The following RBFOX3 variants were observed in gnomAD, a reference collection of about 807,000 sequenced individuals.
The protein encoded by RBFOX3 is RNA binding fox-1 homolog 3, also known as RNA binding protein fox-1 homolog 3.
A neutral mutation model predicts 48.7 loss-of-function variants in RBFOX3; 17 were observed. That is an observed-to-expected ratio of 0.35 (90% CI 0.24 to 0.52). RBFOX3 has a LOEUF of 0.52. Ranked by LOEUF, RBFOX3 falls within the 20% of genes least tolerant of loss-of-function variation. The probability of loss-of-function intolerance (pLI) is 0.94; values close to 1 mark genes in which losing one functional copy is unlikely to be tolerated. For synonymous variants in RBFOX3, 212 were observed against 209.5 expected (o/e 1.01, Z -0.10); for missense variants, 382 against 497.5 (o/e 0.77, Z 2.21).
chr17:79,407,680 G>A (rs79569655), intron 2 of RBFOX3, among the ~76,000 whole-genome samples: 2 of 152,346 alleles, frequency 1.3e-5, no homozygotes, highest in East Asian at 3.9e-4. Flanking sequence ...AAGGCGTGGG[G>A]AGGACTTCTG....
At chr17:79,519,222 G>C (rs906728449) in intron 1 of RBFOX3, among the ~76,000 whole-genome samples, 1 of 152,244 alleles carries the variant, frequency 6.6e-6, no homozygotes, top group Admixed American at 6.5e-5. Context: ...TCGGCAGATG[G>C]GGCCATCCCT....
intron 4 of RBFOX3, among the ~76,000 whole-genome samples, chr17:79,201,104 G>A (rs576630681): frequency 2.0e-5 from 3 of 151,428 alleles, no homozygotes; most frequent in South Asian, 2.1e-4. Context: ...CAACAACAAC[G>A]ACAACAACAA....
Position 79,096,635 on chromosome 17 carries a change from CGG to C in RBFOX3, c.936+16_936+17del. ...GAACGCCTGATCCCACCCTCCCTCC[CGG>C]CGGGGCTACACTTACATAAATCTCA... On this transcript the variant is annotated intron_variant, in intron 12 of 14. Coordinates refer to ENST00000693108, the MANE Select transcript of RBFOX3 (RefSeq NM_001350451.2). 1 of 1,535,416 alleles carries C rather than the reference CGG, an allele frequency of 6.5e-7. No homozygotes were observed. Among genetic ancestry groups the C allele is most frequent in the Non-Finnish European group, 8.8e-7 (1 of 1,132,970 alleles).
At position 79,101,233 on chromosome 17, in the gene RBFOX3, C is replaced by T. The variant is rs1167066497; in HGVS notation, c.568+351G>A. ...AGGTCTCAGCACAGAAGCCTTCAAACTCTGGCCCTGGGGGAAAGTCAGTCC... is the reference window on the plus strand; with the variant it reads ...AGGTCTCAGCACAGAAGCCTTCAAATTCTGGCCCTGGGGGAAAGTCAGTCC... On this transcript the variant is annotated intron_variant, in intron 9 of 14. Coordinates refer to ENST00000693108, the MANE Select transcript of RBFOX3 (RefSeq NM_001350451.2). Among the ~76,000 whole-genome samples, 4 of 152,214 alleles carry T rather than the reference C, an allele frequency of 2.6e-5. No individual in the cohort carries two copies. The East Asian group carries it at 5.8e-4, about 22-fold the overall frequency.
intron 4 of RBFOX3, chr17:79,234,244 G>A (rs753867154): frequency 1.3e-5 from 2 of 152,300 alleles, no homozygotes; most frequent in Non-Finnish European, 2.9e-5. Flanking sequence ...GAAAGCCGGA[G>A]AGCCGGCAGC....
rs1313284263 is a variant in RBFOX3, at chr17:79,608,814, G to T, written c.-320+2012C>A. 2.0e-5 allele frequency among the ~76,000 whole-genome samples: 3 copies of T among 152,322 alleles called. No individual in the cohort carries two copies. The East Asian group carries it at 5.8e-4, about 29-fold the overall frequency. ...CCCACGCAGGAAGGCCTCCAGTCCT[G>T]GGGGAGGGGCGGGGGGGCCAGCCTC... On this transcript the variant is annotated intron_variant, in intron 1 of 14. Transcript: ENST00000693108.
intron 2 of RBFOX3, among the ~76,000 whole-genome samples, chr17:79,466,877 G>T (rs1311057274): frequency 6.6e-6 from 1 of 152,102 alleles, no homozygotes; most frequent in Admixed American, 6.5e-5. Flanking sequence ...ACGACCAGGT[G>T]TGAAGAGGGC....
At chr17:79,186,448 A>G (rs900899903) in intron 4 of RBFOX3, among the ~76,000 whole-genome samples, 3 of 152,156 alleles carry the variant, frequency 2.0e-5, no homozygotes, top group Admixed American at 2.0e-4. Context: ...CCATGCCCTC[A>G]TCACCTCCTA....
intron 2 of RBFOX3, among the ~76,000 whole-genome samples, chr17:79,395,100 A>G (rs1017232051): frequency 1.3e-5 from 2 of 152,252 alleles, no homozygotes; most frequent in African/African-American, 4.8e-5. Flanking sequence ...GCAGTGCTCT[A>G]TCTGGGCCTC....
chr17:79,206,743 C>T (rs1165678731), intron 4 of RBFOX3, among the ~76,000 whole-genome samples: 1 of 152,148 alleles, frequency 6.6e-6, no homozygotes, highest in Non-Finnish European at 1.5e-5. Flanking sequence ...CATGGTGCAC[C>T]CTGCGCTGTG....
chr17:79,585,354 G>T (rs929276753), intron 1 of RBFOX3, among the ~76,000 whole-genome samples: 2 of 151,872 alleles, frequency 1.3e-5, no homozygotes, highest in Non-Finnish European at 2.9e-5. Flanking sequence ...TCAGTAGTCC[G>T]AGACCAGCCT....
intron 4 of RBFOX3, among the ~76,000 whole-genome samples, chr17:79,213,141 G>C (rs1211308820): frequency 1.3e-5 from 2 of 152,184 alleles, no homozygotes; most frequent in Admixed American, 6.5e-5. Context: ...ACAGGTGTGA[G>C]CTACCACGCC....
intron 2 of RBFOX3, among the ~76,000 whole-genome samples, chr17:79,399,661 C>G (rs532715225): frequency 2.0e-5 from 3 of 152,304 alleles, no homozygotes; most frequent in Admixed American, 2.0e-4. Flanking sequence ...AAAAGTGCTG[C>G]TGAAACCAAA....
intron 3 of RBFOX3, among the ~76,000 whole-genome samples, chr17:79,246,406 T>C (rs2063176035): frequency 6.6e-6 from 1 of 152,254 alleles, no homozygotes; most frequent in Non-Finnish European, 1.5e-5. Flanking sequence ...CTCCTCTTGC[T>C]GGTGTCTGAT....
At chr17:79,317,549 C>G (rs1598231173) in intron 2 of RBFOX3, among the ~76,000 whole-genome samples, 1 of 152,240 alleles carries the variant, frequency 6.6e-6, no homozygotes, top group Non-Finnish European at 1.5e-5. Context: ...GCACTGGCAG[C>G]AGCACCGATG....
At chr17:79,610,288 C>G (rs977793611) in intron 1 of RBFOX3, among the ~76,000 whole-genome samples, 4 of 151,996 alleles carry the variant, frequency 2.6e-5, no homozygotes, top group Non-Finnish European at 5.9e-5. Context: ...GGTGCCGCGA[C>G]AGACGCACGT....
At chr17:79,659,233 A>G in the RBFOX3 span, among the ~76,000 whole-genome samples, 1 of 152,192 alleles carries the variant, frequency 6.6e-6, no homozygotes, top group East Asian at 1.9e-4. Context: ...TGGAAAATAG[A>G]GTCCTCCTTT....
chr17:79,377,348 C>A (rs888920562), intron 2 of RBFOX3, among the ~76,000 whole-genome samples: 1 of 152,184 alleles, frequency 6.6e-6, no homozygotes, highest in Non-Finnish European at 1.5e-5. Context: ...TACACACAGA[C>A]ATGCACACCC....
intron 2 of RBFOX3, among the ~76,000 whole-genome samples, chr17:79,386,412 C>T (rs2060576033): frequency 6.6e-6 from 1 of 152,222 alleles, no homozygotes; most frequent in Non-Finnish European, 1.5e-5. Flanking sequence ...GGGGCTCCAT[C>T]ACTACTTTAC....
Sources: gnomAD v4.1 joint callset for allele counts (sites outside exome capture counted in the v4.1 genomes callset) on GRCh38, gnomAD v4.1.1 for gene constraint, MANE v1.5 for transcripts, NCBI Gene and HGNC (gene_info 2026-07-23, HGNC 2026-07-21) for gene names.